Variants in HDAC4 observed in about 807,000 individuals in gnomAD.
The protein encoded by HDAC4 is histone deacetylase A.
HDAC4 carries 16 observed loss-of-function variants against 135.1 expected under a neutral mutation model. That is an observed-to-expected ratio of 0.12 (90% confidence interval 0.08 to 0.18). The LOEUF (loss-of-function observed/expected upper bound fraction) is 0.18, where lower values mean the gene tolerates loss of function less well. HDAC4 is among the 10% of genes least tolerant of loss of function. HDAC4 has a pLI of 1.00. For missense variants in HDAC4, 1,143 were observed against 1,511.8 expected (o/e 0.76, Z 4.05); for synonymous variants, 685 against 653.4 (o/e 1.05, Z -0.74).
Position 239,359,627 on chromosome 2 carries a change from C to T in HDAC4, c.-219-6709G>A, listed in dbSNP as rs554751603. Among the ~76,000 whole-genome samples, 5 of 152,330 alleles carry T rather than the reference C, an allele frequency of 3.3e-5. No homozygotes were observed. In the South Asian group the frequency reaches 6.2e-4, roughly 19 times the overall value. On this transcript the variant is annotated intron_variant, in intron 1 of 26. Transcript: ENST00000543185. ...GGAGTGCATGGAGAACATGCCCCTC[C>T]ACTCGGTCACATACTCAGCCTTCGG...
chr2:239,207,510 T>C (rs2046113635), intron 3 of HDAC4, among the ~76,000 whole-genome samples: 1 of 152,102 alleles, frequency 6.6e-6, no homozygotes, highest in African/African-American at 2.4e-5. Context: ...ATAAAAAGAA[T>C]AGGCACAAAT....
intron 1 of HDAC4, among the ~76,000 whole-genome samples, chr2:239,374,641 G>C (rs1694876825): frequency 6.6e-6 from 1 of 151,714 alleles, no homozygotes; most frequent in Non-Finnish European, 1.5e-5. Context: ...CTGACCTCGT[G>C]ATCCGCCCGC....
intron 13 of HDAC4, among the ~76,000 whole-genome samples, chr2:239,113,655 G>A (rs1205761620): frequency 1.3e-5 from 2 of 152,302 alleles, no homozygotes; most frequent in East Asian, 1.9e-4. Flanking sequence ...AATTATTAAT[G>A]TAAATAGTTT....
At position 239,307,248 on chromosome 2, in the gene HDAC4, T is replaced by G. The variant is rs2052646093; in HGVS notation, c.22+45430A>C. ...CCGTGCCCCAATGGTCATCCTCAGA[T>G]GAGTGGGGGCTGTGCTCAGGACCCT... On this transcript the variant is annotated intron_variant, in intron 2 of 26. Transcript: ENST00000543185. The surrounding 1 kb of genome is among the most constrained non-coding windows in gnomAD (Gnocchi z 4.8). Among the ~76,000 whole-genome samples the G allele has an allele frequency of 1.3e-5, 2 of 152,066 alleles. No homozygotes were observed. Among genetic ancestry groups the G allele is most frequent in the Non-Finnish European group, 2.9e-5 (2 of 67,984 alleles).
At chr2:239,127,674 G>A (rs542170054) in intron 11 of HDAC4, among the ~76,000 whole-genome samples, 41 of 152,370 alleles carry the variant, frequency 2.7e-4, no homozygotes, top group African/African-American at 9.9e-4. Flanking sequence ...AACCACACCA[G>A]CTCTTGGAGG....
rs1018065253 is a variant in HDAC4 at position 239,146,655 on chromosome 2, C to T, written c.734-1941G>A. Among the ~76,000 whole-genome samples, 3 of 152,062 alleles carry T rather than the reference C, an allele frequency of 2.0e-5. No individual in the cohort carries two copies. The highest frequency in any genetic ancestry group is 7.2e-5 in the African/African-American group (3 of 41,390). On this transcript the variant is annotated intron_variant, in intron 7 of 26. Coordinates refer to ENST00000543185, the MANE Select transcript of HDAC4 (RefSeq NM_001378414.1). This position sits in a 1 kb window ranked among gnomAD's most constrained non-coding sequence, Gnocchi z 4.5. ...CACTCCAGACTCTTTGTGCAAGAGA[C>T]TCTTGAGGAGAGTCCCATGGTGGCT...
At chr2:239,271,233 A>G (rs981913621) in intron 2 of HDAC4, among the ~76,000 whole-genome samples, 1 of 151,822 alleles carries the variant, frequency 6.6e-6, no homozygotes, top group Non-Finnish European at 1.5e-5. Context: ...CCCATCTCAC[A>G]CTCCTGAGTA....
In HDAC4 at chr2:239,167,911, C is replaced by T. The variant is rs1371957648; in HGVS notation, c.491-3988G>A. 2.4e-5 allele frequency among the ~76,000 whole-genome samples: 3 copies of T among 124,134 alleles called. No homozygotes were observed. Among genetic ancestry groups the T allele is most frequent in the East Asian group, 2.5e-4 (1 of 4,006 alleles). 81.4% of individuals were successfully genotyped at this position (124,134 alleles called of 152,430 possible). A position where few individuals can be genotyped will look rare whatever the true frequency, so the allele number is the denominator to read the frequency against. On this transcript the variant is annotated intron_variant, in intron 5 of 26. Transcript: ENST00000543185. This position sits in a 1 kb window ranked among gnomAD's most constrained non-coding sequence, Gnocchi z 4.1. ...ACCCGAGACCTAAGGAATGAGCGAG[C>T]AACAGCTGAGCGGGGCAGAGAGAGG...
At chr2:239,310,246 G>A (rs1036662602) in intron 2 of HDAC4, among the ~76,000 whole-genome samples, 1 of 152,216 alleles carries the variant, frequency 6.6e-6, no homozygotes, top group African/African-American at 2.4e-5. Flanking sequence ...TAGAAAAACC[G>A]ACATGTCAGT....
At chr2:239,132,045 G>C (rs890782072) in intron 11 of HDAC4, among the ~76,000 whole-genome samples, 18 of 152,168 alleles carry the variant, frequency 1.2e-4, no homozygotes, top group Non-Finnish European at 2.2e-4. Context: ...TGGCGGGGCT[G>C]GGGGAGGGCC....
At chr2:239,205,888 G>T (rs1302942397) in intron 3 of HDAC4, among the ~76,000 whole-genome samples, 2 of 152,126 alleles carry the variant, frequency 1.3e-5, no homozygotes, top group African/African-American at 4.8e-5. Context: ...ATAAAATAGG[G>T]ACTTTAGACA....
intron 12 of HDAC4, among the ~76,000 whole-genome samples, chr2:239,118,362 G>A (rs1048525562): frequency 6.6e-5 from 10 of 152,348 alleles, no homozygotes; most frequent in Non-Finnish European, 5.9e-5. Flanking sequence ...AGGTCCAGCC[G>A]GGTGCAGGCA....
intron 11 of HDAC4, among the ~76,000 whole-genome samples, chr2:239,128,749 T>G (rs763360812): frequency 3.9e-5 from 6 of 152,202 alleles, no homozygotes; most frequent in Non-Finnish European, 7.3e-5. Flanking sequence ...AAAGCCTCAG[T>G]GTGCACACCA....
chr2:239,326,374 G>A (rs942271803), intron 2 of HDAC4, among the ~76,000 whole-genome samples: 9 of 152,178 alleles, frequency 5.9e-5, no homozygotes, highest in African/African-American at 2.2e-4. Context: ...GAGGGAAACA[G>A]GATTGTTTAC....
intron 1 of HDAC4, among the ~76,000 whole-genome samples, chr2:239,357,160 G>T (rs531825690): frequency 6.6e-6 from 1 of 152,158 alleles, no homozygotes; most frequent in Non-Finnish European, 1.5e-5. Context: ...AATTCAAAAG[G>T]ACAAGTCAAG....
intron 1 of HDAC4, among the ~76,000 whole-genome samples, chr2:239,392,049 T>C (rs1475065355): frequency 1.3e-5 from 2 of 151,992 alleles, no homozygotes; most frequent in Admixed American, 6.6e-5. Flanking sequence ...GGGAGGTGAG[T>C]TGGATGCTCC....
At chr2:239,323,908 T>C (rs981710219) in intron 2 of HDAC4, among the ~76,000 whole-genome samples, 1 of 152,190 alleles carries the variant, frequency 6.6e-6, no homozygotes, top group Admixed American at 6.5e-5. Flanking sequence ...TGTTGAAATA[T>C]TTAACTTAAA....
intron 2 of HDAC4, among the ~76,000 whole-genome samples, chr2:239,318,516 C>T (rs961964210): frequency 9.9e-5 from 15 of 152,066 alleles, no homozygotes; most frequent in Admixed American, 6.5e-4. Context: ...AGACTATCAG[C>T]GAAACATAAA....
Position 239,139,101 on chromosome 2 carries a change from T to TGC in HDAC4, c.978+581_978+582dup. On this transcript the variant is annotated intron_variant, in intron 9 of 26. Coordinates refer to ENST00000543185, the MANE Select transcript of HDAC4 (RefSeq NM_001378414.1). This position sits in a 1 kb window ranked among gnomAD's most constrained non-coding sequence, Gnocchi z 5.3. ...GGGTGCTGAGCTCTGCGGTCTGAGA[T>TGC]GCCTGGTTCCCGTGATGCCTGGAAA... Among the ~76,000 whole-genome samples the TGC allele has an allele frequency of 6.6e-6, 1 of 152,306 alleles. No homozygotes were observed. The highest frequency in any genetic ancestry group is 2.1e-4 in the South Asian group (1 of 4,830).
Sources: gnomAD v4.1 joint callset for allele counts (sites outside exome capture counted in the v4.1 genomes callset) on GRCh38, gnomAD v4.1.1 for gene constraint, Gnocchi (gnomAD v3.1) non-coding constraint, MANE v1.5 for transcripts, NCBI Gene and HGNC (gene_info 2026-07-23, HGNC 2026-07-21) for gene names.